The following CCDC180 variants were observed in gnomAD, a reference collection of about 807,000 sequenced individuals.
CCDC180 encodes coiled-coil domain containing 180.
In CCDC180, 154 loss-of-function variants were observed where a neutral mutation model predicts 209.2. The observed-to-expected ratio is 0.74, with a 90% CI of 0.65 to 0.84. The LOEUF is 0.84. Ranked by LOEUF, CCDC180 falls within the 40% of genes least tolerant of loss-of-function variation. CCDC180 has a pLI of 0.00. For missense variants in CCDC180, 1,874 were observed against 1,997.3 expected, an observed-to-expected ratio of 0.94 and a Z score of 1.18; for synonymous variants, 778 against 749.1, an observed-to-expected ratio of 1.04 and a Z score of -0.63.
intron 7 of CCDC180, 42 bp downstream of exon 7, chr9:97,314,770 C>T: frequency 6.2e-7 from 1 of 1,603,982 alleles, no homozygotes; most frequent in Non-Finnish European, 8.5e-7. Context: ...CTGTCACTTG[C>T]CGGGTTTATT....
At chr9:97,320,355 G>A (rs1564149961) in intron 11 of CCDC180, 150 bp downstream of exon 11, 6 of 708,812 alleles carry the variant, frequency 8.5e-6, no homozygotes, top group Non-Finnish European at 1.2e-5. Flanking sequence ...GGCTCAAAAG[G>A]CCCCCCTCCC....
chr9:97,311,842 C>T (rs1238466621), intron 3 of CCDC180, among the ~76,000 whole-genome samples: 4 of 152,174 alleles, frequency 2.6e-5, no homozygotes, highest in Non-Finnish European at 4.4e-5. Context: ...TCATCATCCA[C>T]ACTTGACCAC....
chr9:97,356,406 A>G (rs1320672911), intron 24 of CCDC180, among the ~76,000 whole-genome samples: 1 of 152,208 alleles, frequency 6.6e-6, no homozygotes, highest in Non-Finnish European at 1.5e-5. Context: ...TAATTCATCC[A>G]TCTGTGAAAT....
rs182082230 is a variant in CCDC180 at position 97,357,294 on chromosome 9, G to A, written c.3265-333G>A. 5.2e-4 allele frequency among the ~76,000 whole-genome samples: 77 copies of A among 146,988 alleles called. No homozygotes were observed. The East Asian group carries it at 0.013, about 25-fold the overall frequency. On this transcript the variant is annotated intron_variant, in intron 24 of 36. Coordinates refer to ENST00000529487, the MANE Select transcript of CCDC180 (RefSeq NM_020893.6). ...TCTGACTGCATCCTTAGGGTGCCTC[G>A]TGGAAGCCACAGTCCTGGGTCAGAG...
intron 11 of CCDC180, among the ~76,000 whole-genome samples, chr9:97,322,247 C>T (rs1833380365): frequency 6.6e-6 from 1 of 152,144 alleles, no homozygotes; most frequent in African/African-American, 2.4e-5. Context: ...CTATACCTAG[C>T]TGCCATCCCC....
intron 36 of CCDC180, chr9:97,375,884 G>A: frequency 2.6e-6 from 1 of 380,468 alleles, no homozygotes; most frequent in Admixed American, 4.1e-5. Flanking sequence ...CACAGCTAGG[G>A]AACATTGTCA....
chr9:97,317,090 A>T lies in CCDC180; in HGVS notation c.821A>T (p.Asn274Ile), dbSNP rs1425875503. 5.6e-6 allele frequency: 9 copies of T among 1,612,830 alleles called. No individual in the cohort carries two copies. Among genetic ancestry groups the T allele is most frequent in the Non-Finnish European group, 7.6e-6 (9 of 1,179,482 alleles). The stretch of plus-strand genomic sequence containing the variant: ...GTCATGAACTATGCCCTGCTGGGCA[A>T]CCGGAAGGCTCTCGCCCAGCTGTTT... ...AMVMNYALLG[N>I]RKALAQLFVN... Residue 274 changes from asparagine (N) to isoleucine (I), a missense_variant, in exon 9 of 37, where the codon AAC becomes ATC. Physicochemically the swap from Asn to Ile is moderately radical, Grantham distance 149. Coordinates refer to ENST00000529487, the MANE Select transcript of CCDC180 (RefSeq NM_020893.6).
chr9:97,375,436 A>C lies in CCDC180; in HGVS notation c.4707-18A>C. 1 of 1,614,042 alleles carries C rather than the reference A, an allele frequency of 6.2e-7. No individual in the cohort carries two copies. On this transcript the variant is annotated intron_variant, in intron 35 of 36. Coordinates refer to ENST00000529487, the MANE Select transcript of CCDC180 (RefSeq NM_020893.6). ...ATGAAGACAAGCCTGTGAGATTTTCACACATGTTTGTTTGTAGGAAGTGGC... is the reference window on the plus strand; with the variant it reads ...ATGAAGACAAGCCTGTGAGATTTTCCCACATGTTTGTTTGTAGGAAGTGGC...
At chr9:97,316,055 G>A (rs1312724735) in intron 8 of CCDC180, among the ~76,000 whole-genome samples, 1 of 152,174 alleles carries the variant, frequency 6.6e-6, no homozygotes, top group Non-Finnish European at 1.5e-5. Context: ...TAATAAAAGA[G>A]GGTCCAGCTG....
In CCDC180 at chr9:97,364,812, A is replaced by T. The variant is rs115572924; in HGVS notation, c.3980+684A>T. Among the ~76,000 whole-genome samples, 1,034 of 152,236 alleles carry T rather than the reference A, an allele frequency of 6.8e-3. 5 individuals are homozygous for T. The highest frequency in any genetic ancestry group is 0.023 in the African/African-American group (973 of 41,538). ...ATTTTTTATAGCTCGATGCAGGAGG[A>T]TGTTTGGTCCTACATGAAGTCCTGT... On this transcript the variant is annotated intron_variant, in intron 29 of 36. Transcript: ENST00000529487.
chr9:97,369,762 G>T, intron 31 of CCDC180, 160 bp from the exon 32 acceptor site: 1 of 694,492 alleles, frequency 1.4e-6, no homozygotes, highest in Non-Finnish European at 2.4e-6. Context: ...TTCTATACTG[G>T]TTTGACCTCA....
intron 12 of CCDC180, 101 bp downstream of exon 12, chr9:97,323,022 C>A: frequency 1.2e-6 from 1 of 819,768 alleles, no homozygotes; most frequent in Non-Finnish European, 2.0e-6. Flanking sequence ...CCAGCTATGT[C>A]CCCACTTCAC....
chr9:97,348,123 G>T lies in CCDC180; in HGVS notation c.2674+634G>T, dbSNP rs866964292. On this transcript the variant is annotated intron_variant, in intron 20 of 36. Transcript: ENST00000529487. Reference sequence around the variant, plus strand: ...GTGGACTCTGTTAATGCGGGGCGGGGGGGGGGCATGTTTTCAGTAGGATCC... The same window carrying T: ...GTGGACTCTGTTAATGCGGGGCGGGTGGGGGGCATGTTTTCAGTAGGATCC... Among the ~76,000 whole-genome samples, 28 of 149,412 alleles carry T rather than the reference G, an allele frequency of 1.9e-4. No individual in the cohort carries two copies. The South Asian group carries it at 4.1e-3, about 22-fold the overall frequency.
intron 22 of CCDC180, among the ~76,000 whole-genome samples, chr9:97,353,197 A>G (rs926558935): frequency 2.0e-5 from 3 of 152,100 alleles, no homozygotes; most frequent in East Asian, 1.9e-4. Context: ...CGGTTTCACC[A>G]TAGTGGCCAG....
rs371719609 is a variant in CCDC180 at position 97,343,580 on chromosome 9, T to G, written c.2498+17T>G. 2.0e-6 allele frequency: 3 copies of G among 1,536,152 alleles called. No homozygotes were observed. The African/African-American group carries it at 4.1e-5, about 21-fold the overall frequency. ...TAAGAAACAGTGAGTAAAAAACTAT[T>G]TTATTCTCATCCTGTTGTTCTGAGT... On this transcript the variant is annotated intron_variant, in intron 19 of 36. Coordinates refer to ENST00000529487, the MANE Select transcript of CCDC180 (RefSeq NM_020893.6).
chr9:97,361,981 C>A (rs1826768173), intron 27 of CCDC180, 83 bp downstream of exon 27: 1 of 1,497,120 alleles, frequency 6.7e-7, no homozygotes, highest in East Asian at 2.4e-5. Flanking sequence ...TGGGGCCCCA[C>A]ACACTGGGGT....
intron 8 of CCDC180, 64 bp downstream of exon 8, chr9:97,315,010 C>A: frequency 8.0e-7 from 1 of 1,247,724 alleles, no homozygotes; most frequent in Non-Finnish European, 1.2e-6. Context: ...GAACCCAGGG[C>A]ACCCCGAGCC....
rs1827304569 is a variant in CCDC180 at position 97,378,056 on chromosome 9, G to A, written c.*1162G>A. 2 of 152,168 alleles carry A rather than the reference G, an allele frequency of 1.3e-5. No individual in the cohort carries two copies. Among genetic ancestry groups the A allele is most frequent in the Admixed American group, 1.3e-4 (2 of 15,256 alleles). The allele number at this position is 152,168 out of a possible 1,614,324, so 9.4% of individuals were successfully genotyped here. A position where few individuals can be genotyped will look rare whatever the true frequency, so the allele number is the denominator to read the frequency against. On this transcript the variant is annotated 3_prime_UTR_variant, in exon 37 of 37. Transcript: ENST00000529487. Reference sequence around the variant, plus strand: ...AAAATACAAAAAGTTAGCCAGGCATGGTGGCACACACCTGTAATCCCAGCT... The same window carrying A: ...AAAATACAAAAAGTTAGCCAGGCATAGTGGCACACACCTGTAATCCCAGCT...
At chr9:97,339,360 C>T (rs924897443) in intron 18 of CCDC180, among the ~76,000 whole-genome samples, 10 of 152,124 alleles carry the variant, frequency 6.6e-5, no homozygotes, top group Non-Finnish European at 1.2e-4. Flanking sequence ...CTGGTGGTGA[C>T]AAAATCTCTC....
Sources: allele counts gnomAD v4.1 joint callset (sites outside exome capture counted in the v4.1 genomes callset), GRCh38; gene constraint gnomAD v4.1.1; transcripts MANE v1.5; gene names NCBI Gene and HGNC (gene_info 2026-07-23, HGNC 2026-07-21).